Variants in GALM observed in about 807,000 individuals in gnomAD.
GALM encodes the protein aldose 1-epimerase.
GALM carries 43 observed loss-of-function variants against 37.4 expected under a neutral mutation model. That is an observed-to-expected ratio of 1.15 (90% confidence interval 0.90 to 1.48). The LOEUF (loss-of-function observed/expected upper bound fraction) is 1.48, where lower values mean the gene tolerates loss of function less well. GALM is among the 40% of genes most tolerant of loss of function. The probability of loss-of-function intolerance (pLI) is 0.00; values close to 1 mark genes in which losing one functional copy is unlikely to be tolerated. For missense variants in GALM, 456 were observed against 419.1 expected, an observed-to-expected ratio of 1.09 and a Z score of -0.77; for synonymous variants, 199 against 170.6, an observed-to-expected ratio of 1.17 and a Z score of -1.30.
chr2:38,690,242 C>T lies in GALM; in HGVS notation c.634+348C>T, dbSNP rs111497004. The stretch of plus-strand genomic sequence containing the variant: ...ATCCCAGCACTTTGAGAGGCCAAGG[C>T]GGTTGGATCACTTGAGGCCAGGAGT... On this transcript the variant is annotated intron_variant, in intron 4 of 6. Transcript: ENST00000272252. 6.5e-3 allele frequency among the ~76,000 whole-genome samples: 992 copies of T among 151,962 alleles called. 14 individuals are homozygous for T. The highest frequency in any genetic ancestry group is 0.022 in the African/African-American group (901 of 41,422).
intron 4 of GALM, among the ~76,000 whole-genome samples, chr2:38,727,724 C>CAA (rs565518448): frequency 4.0e-4 from 25 of 62,458 alleles, no homozygotes; most frequent in South Asian, 2.8e-3. Context: ...GACTACGTCT[C>CAA]AAAAAAAAAA....
intron 4 of GALM, among the ~76,000 whole-genome samples, chr2:38,716,985 T>A (rs1331598176): frequency 2.6e-5 from 4 of 152,250 alleles, no homozygotes; most frequent in Admixed American, 1.3e-4. Flanking sequence ...GCACAGTGGC[T>A]CATGCCTGTA....
chr2:38,696,595 G>A lies in GALM; in HGVS notation c.634+6701G>A, dbSNP rs181497562. Among the ~76,000 whole-genome samples the A allele has an allele frequency of 2.5e-3, 381 of 151,062 alleles. 5 individuals are homozygous for A. Among genetic ancestry groups the A allele is most frequent in the Middle Eastern group, 0.021 (6 of 292 alleles). On this transcript the variant is annotated intron_variant, in intron 4 of 6. Coordinates refer to ENST00000272252, the MANE Select transcript of GALM (RefSeq NM_138801.3). ...TACAGGTGCACATCACCATACCCAG[G>A]TAATTTTTTCTTTTTTTACACGAAA...
Position 38,723,089 on chromosome 2 carries a change from G to A in GALM, c.635-6467G>A, listed in dbSNP as rs531523048. Among the ~76,000 whole-genome samples, 10 of 152,212 alleles carry A rather than the reference G, an allele frequency of 6.6e-5. No individual in the cohort carries two copies. In the East Asian group the frequency reaches 7.7e-4, roughly 12 times the overall value. On this transcript the variant is annotated intron_variant, in intron 4 of 6. Transcript: ENST00000272252. ...TTCATTCATCAGTTTTTCAATCAAC[G>A]AAAGGCTCTGCTTCATGCCCAGAGG...
At chr2:38,711,598 AGAGT>A (rs1180323378) in intron 4 of GALM, among the ~76,000 whole-genome samples, 1 of 151,804 alleles carries the variant, frequency 6.6e-6, no homozygotes, top group African/African-American at 2.4e-5. Context: ...AATACTTATG[AGAGT>A]TAGTATAGCA....
rs567915949 is a variant in GALM, at chr2:38,674,403, T to A, written c.191-1509T>A. 1.5e-3 allele frequency among the ~76,000 whole-genome samples: 225 copies of A among 152,210 alleles called. 1 individual carries two copies. The highest frequency in any genetic ancestry group is 5.0e-3 in the African/African-American group (208 of 41,536). ...CGGGGTTTCACCGTGTTGGCCAGGA[T>A]GGTCTCAATCTCTTGACCTCGTGAT... On this transcript the variant is annotated intron_variant, in intron 1 of 6. Transcript: ENST00000272252.
chr2:38,676,757 C>T (rs13005073), intron 2 of GALM, among the ~76,000 whole-genome samples: 16,239 of 151,892 alleles, frequency 0.11, 992 homozygotes, highest in South Asian at 0.22. Context: ...AGCCAGAGTC[C>T]GTCTCAAAAA....
At chr2:38,692,203 G>A (rs1481398532) in intron 4 of GALM, among the ~76,000 whole-genome samples, 1 of 152,098 alleles carries the variant, frequency 6.6e-6, no homozygotes, top group Non-Finnish European at 1.5e-5. Context: ...TGTTATACCT[G>A]TTTGCCGAGT....
intron 4 of GALM, among the ~76,000 whole-genome samples, chr2:38,699,668 A>C (rs1186180273): frequency 6.6e-6 from 1 of 152,108 alleles, no homozygotes; most frequent in Non-Finnish European, 1.5e-5. Context: ...AAAAGAGAAG[A>C]ATATTTAAAA....
Position 38,681,303 on chromosome 2 carries a change from G to C in GALM, c.369G>C (p.Leu123=). The change falls in exon 3 of 7, where the codon CTG becomes CTC. Residue 123 remains leucine (L), a synonymous_variant. Transcript: ENST00000272252. Reference sequence around the variant, plus strand: ...AGGTGCTCTGGACCCCTCGGGTGCTGTCAAATGGCGTCCAGTTCTCGCGCA... The same window carrying C: ...AGGTGCTCTGGACCCCTCGGGTGCTCTCAAATGGCGTCCAGTTCTCGCGCA... ...FDKVLWTPRV[L]SNGVQFSRIS... is the part of the protein sequence containing the mutation. 1 of 1,613,598 alleles carries C rather than the reference G, an allele frequency of 6.2e-7. No individual in the cohort carries two copies. The highest frequency in any genetic ancestry group is 1.1e-5 in the South Asian group (1 of 91,042).
intron 2 of GALM, among the ~76,000 whole-genome samples, chr2:38,677,815 A>G (rs1665295518): frequency 6.6e-6 from 1 of 152,074 alleles, no homozygotes; most frequent in South Asian, 2.1e-4. Context: ...GGACTCTTAC[A>G]TGATAACTGT....
At chr2:38,725,932 A>C (rs952203077) in intron 4 of GALM, among the ~76,000 whole-genome samples, 20 of 151,724 alleles carry the variant, frequency 1.3e-4, no homozygotes, top group Admixed American at 2.0e-4. Flanking sequence ...GGCTGGTCTC[A>C]AACTCCTGAC....
At chr2:38,714,553 A>T (rs1001776187) in intron 4 of GALM, among the ~76,000 whole-genome samples, 3 of 152,144 alleles carry the variant, frequency 2.0e-5, no homozygotes, top group Non-Finnish European at 2.9e-5. Context: ...CTTGGCTCTC[A>T]AGCAGAGCCA....
rs546751843 is a variant in GALM, at chr2:38,734,077, C to T, written c.*512C>T. ...TGATAAGTGAGGAAACTGAGGCTTA[C>T]AGAGGTTGAAGACCAACAAGCTAAT... On this transcript the variant is annotated 3_prime_UTR_variant, in exon 7 of 7. Coordinates refer to ENST00000272252, the MANE Select transcript of GALM (RefSeq NM_138801.3). The T allele has an allele frequency of 1.2e-5, 2 of 170,006 alleles. No homozygotes were observed. The highest frequency in any genetic ancestry group is 2.6e-5 in the Non-Finnish European group (2 of 78,002). The allele number at this position is 170,006 out of a possible 1,614,324, so 10.5% of individuals were successfully genotyped here. A position where few individuals can be genotyped will look rare whatever the true frequency, so the allele number is the denominator to read the frequency against.
In GALM at chr2:38,666,120, G is replaced by C; in HGVS notation, c.-42G>C. ...CGCCTCTAGCTTAGCGAGCGCTGGAGTTTGAAGAGCGGGCAGTGGCTGCAC... is the reference window on the plus strand; with the variant it reads ...CGCCTCTAGCTTAGCGAGCGCTGGACTTTGAAGAGCGGGCAGTGGCTGCAC... On this transcript the variant is annotated 5_prime_UTR_variant, in exon 1 of 7. Coordinates refer to ENST00000272252, the MANE Select transcript of GALM (RefSeq NM_138801.3). 1 of 1,570,512 alleles carries C rather than the reference G, an allele frequency of 6.4e-7. No homozygotes were observed. Among genetic ancestry groups the C allele is most frequent in the South Asian group, 1.2e-5 (1 of 84,950 alleles).
intron 6 of GALM, among the ~76,000 whole-genome samples, chr2:38,732,919 T>TAAA (rs11424376): frequency 5.2e-4 from 51 of 97,970 alleles, no homozygotes; most frequent in African/African-American, 1.8e-3. Context: ...ACCCTGTCTT[T>TAAA]AAAAAAAAAA....
chr2:38,733,652 A>G lies in GALM; in HGVS notation c.*87A>G. On this transcript the variant is annotated 3_prime_UTR_variant, in exon 7 of 7. Coordinates refer to ENST00000272252, the MANE Select transcript of GALM (RefSeq NM_138801.3). ...AAAAGGTGAAGATTAAGAAGCTTTC[A>G]GAATGATTCTATGGATTAAAATCAT... 1 of 960,564 alleles carries G rather than the reference A, an allele frequency of 1.0e-6. No homozygotes were observed. The highest frequency in any genetic ancestry group is 1.7e-6 in the Non-Finnish European group (1 of 587,960). 59.5% of individuals were successfully genotyped at this position (960,564 alleles called of 1,614,324 possible).
chr2:38,731,688 C>A (rs758051021), intron 5 of GALM, 47 bp from the exon 6 acceptor site: 3 of 1,493,706 alleles, frequency 2.0e-6, no homozygotes, highest in African/African-American at 2.8e-5. Context: ...TACTCCTCCC[C>A]ACCTGCTTTT....
intron 4 of GALM, among the ~76,000 whole-genome samples, chr2:38,709,121 G>A (rs926472568): frequency 1.4e-4 from 21 of 151,558 alleles, no homozygotes; most frequent in African/African-American, 4.9e-4. Context: ...AGTGGGCCTA[G>A]ACAGGTAGGC....
Sources: allele counts gnomAD v4.1 joint callset (sites outside exome capture counted in the v4.1 genomes callset), GRCh38; gene constraint gnomAD v4.1.1; transcripts MANE v1.5; gene names NCBI Gene and HGNC (gene_info 2026-07-23, HGNC 2026-07-21).